Variants in ADGRF3 observed in about 807,000 individuals in gnomAD.
ADGRF3 encodes G protein-coupled receptor 113.
In ADGRF3, 85 loss-of-function variants were observed where a neutral mutation model predicts 93.2. That is an observed-to-expected ratio of 0.91 (90% CI 0.77 to 1.09). The LOEUF is 1.09. Ranked by LOEUF, ADGRF3 falls within the 50% of genes least tolerant of loss-of-function variation. The pLI, the probability that ADGRF3 is intolerant of heterozygous loss-of-function variation, is 0.00. For missense variants in ADGRF3, 1,125 were observed against 1,246.2 expected, an observed-to-expected ratio of 0.90 and a Z score of 1.46; for synonymous variants, 534 against 532.5, an observed-to-expected ratio of 1.00 and a Z score of -0.04.
At chr2:26,318,427 T>TA (rs150411630) in intron 1 of ADGRF3, among the ~76,000 whole-genome samples, 2,424 of 152,072 alleles carry the variant, frequency 0.016, 72 homozygotes, top group African/African-American at 0.055. Flanking sequence ...GAGCATGTCT[T>TA]AAAAAAGATA....
rs372835378 is a variant in ADGRF3, at chr2:26,318,051, C to T, written c.115-489G>A. The T allele has an allele frequency of 1.7e-4, 269 of 1,551,624 alleles. 2 individuals carry two copies. The South Asian group carries it at 2.6e-3, about 15-fold the overall frequency. On this transcript the variant is annotated intron_variant, in intron 1 of 13. Transcript: ENST00000651242. ...CAGGGTGAGGGTGGAGGTCTGGGCCCACATTGTCTGGCCCTTGGGCCATCG... is the reference window on the plus strand; with the variant it reads ...CAGGGTGAGGGTGGAGGTCTGGGCCTACATTGTCTGGCCCTTGGGCCATCG...
At chr2:26,329,352 C>T (rs1454406378) in intron 1 of ADGRF3, among the ~76,000 whole-genome samples, 1 of 152,162 alleles carries the variant, frequency 6.6e-6, no homozygotes, top group Non-Finnish European at 1.5e-5. Context: ...AGGCTGGTCT[C>T]AAACTCCTGG....
chr2:26,316,950 G>A lies in ADGRF3; in HGVS notation c.287C>T (p.Ser96Phe), dbSNP rs1674752484. 2 of 1,612,932 alleles carry A rather than the reference G, an allele frequency of 1.2e-6. No individual in the cohort carries two copies. Among genetic ancestry groups the A allele is most frequent in the East Asian group, 2.2e-5 (1 of 44,860 alleles). The change falls in exon 3 of 14, where the codon TCC becomes TTC. Residue 96 changes from serine (S) to phenylalanine (F), a missense_variant. By Grantham distance (155) the Ser-to-Phe change is radical. Coordinates refer to ENST00000651242, the MANE Select transcript of ADGRF3 (RefSeq NM_001321971.2). Reference protein sequence around the residue: ...LTLPAASASSSPRPLLTGLRL... With the variant: ...LTLPAASASSFPRPLLTGLRL... ...GAGGCCAGTGAGAAGAGGCCTTGGGGAAGAGGAAGCTGAGGCAGCAGGGAG... is the reference window on the plus strand; with the variant it reads ...GAGGCCAGTGAGAAGAGGCCTTGGGAAAGAGGAAGCTGAGGCAGCAGGGAG...
At chr2:26,318,968 G>T in intron 1 of ADGRF3, 1 of 1,551,732 alleles carries the variant, frequency 6.4e-7, no homozygotes, top group South Asian at 1.2e-5. Context: ...TCACTTACAG[G>T]TTGGGATGCT....
At position 26,346,548 on chromosome 2, in the gene ADGRF3, A is replaced by G. The variant is rs533211073; in HGVS notation, c.-314T>C. The G allele has an allele frequency of 5.2e-6, 2 of 386,582 alleles. No individual in the cohort carries two copies. Among genetic ancestry groups the G allele is most frequent in the Non-Finnish European group, 9.2e-6 (2 of 216,842 alleles). The allele number at this position is 386,582 out of a possible 1,614,324, so 23.9% of individuals were successfully genotyped here. A position where few individuals can be genotyped will look rare whatever the true frequency, so the allele number is the denominator to read the frequency against. ...GCGCTCAGTGATCATGGAGCGAGGG[A>G]ATTCCCTTCCTATTTTTTTTAAACT... On this transcript the variant is annotated 5_prime_UTR_variant, in exon 1 of 14. Coordinates refer to ENST00000651242, the MANE Select transcript of ADGRF3 (RefSeq NM_001321971.2).
chr2:26,317,824 T>C (rs1277337246), intron 1 of ADGRF3, among the ~76,000 whole-genome samples: 1 of 152,196 alleles, frequency 6.6e-6, no homozygotes, highest in Non-Finnish European at 1.5e-5. Flanking sequence ...CCTTCCTGCG[T>C]TTACCTGTCC....
Position 26,313,874 on chromosome 2 carries a change from A to G in ADGRF3, c.958T>C (p.Cys320Arg), listed in dbSNP as rs765131677. 2.0e-5 allele frequency: 32 copies of G among 1,613,928 alleles called. No homozygotes were observed. Among genetic ancestry groups the G allele is most frequent in the Non-Finnish European group, 2.4e-5 (28 of 1,179,916 alleles). ...ASSFNESGSQ[C>R]FVLAVQRCPM... ...CAGCGCTGAACAGCCAGCACAAAGC[A>G]CTGAGAGCCTGACTCGTTGAAGGAG... Residue 320 changes from cysteine (C) to arginine (R), a missense_variant, in exon 7 of 14, where the codon TGC (cysteine) becomes CGC (arginine). Coordinates refer to ENST00000651242, the MANE Select transcript of ADGRF3 (RefSeq NM_001321971.2).
intron 3 of ADGRF3, 56 bp from the exon 4 acceptor site, chr2:26,316,504 C>T (rs758203854): frequency 6.6e-7 from 1 of 1,510,002 alleles, no homozygotes; most frequent in Non-Finnish European, 8.9e-7. Flanking sequence ...GCTAGGTGGG[C>T]AGGGCAGACA....
chr2:26,335,324 C>T (rs1207398645), intron 1 of ADGRF3, among the ~76,000 whole-genome samples: 2 of 152,176 alleles, frequency 1.3e-5, no homozygotes, highest in Non-Finnish European at 2.9e-5. Context: ...TCTTTCACTT[C>T]GCATAATGTT....
rs777402913 is a variant in ADGRF3, at chr2:26,313,864, AG to A, written c.967del (p.Leu323TrpfsTer70). On this transcript the variant is annotated frameshift_variant, in exon 7 of 14. Coordinates refer to ENST00000651242, the MANE Select transcript of ADGRF3 (RefSeq NM_001321971.2). LOFTEE classifies it high-confidence loss of function. The stretch of plus-strand genomic sequence containing the variant: ...AGCCATCGGGCAGCGCTGAACAGCC[AG>A]CACAAAGCACTGAGAGCCTGACTCG... ...FNESGSQCFVLAVQRCPMADT... is the reference protein window; with the variant it reads ...FNESGSQCFVXAVQRCPMADT... The A allele has an allele frequency of 6.2e-6, 10 of 1,614,054 alleles. No homozygotes were observed. The highest frequency in any genetic ancestry group is 1.6e-4 in the Middle Eastern group (1 of 6,062).
intron 9 of ADGRF3, 75 bp downstream of exon 9, chr2:26,312,868 C>G: frequency 7.1e-7 from 1 of 1,401,016 alleles, no homozygotes; most frequent in African/African-American, 1.4e-5. Flanking sequence ...ATCAGAGGGA[C>G]AGAAATGCCC....
chr2:26,331,890 T>C (rs935707996), intron 1 of ADGRF3, among the ~76,000 whole-genome samples: 21 of 152,196 alleles, frequency 1.4e-4, no homozygotes, highest in African/African-American at 5.1e-4. Context: ...TCAATTATAA[T>C]CACTGATAAG....
intron 1 of ADGRF3, among the ~76,000 whole-genome samples, chr2:26,328,446 C>T (rs1476036432): frequency 1.4e-5 from 2 of 142,660 alleles, no homozygotes; most frequent in African/African-American, 5.0e-5. Flanking sequence ...AACTATTAGG[C>T]CTTTTTAGTT....
chr2:26,318,432 AAGATAT>A (rs1443012717), intron 1 of ADGRF3, among the ~76,000 whole-genome samples: 2 of 152,292 alleles, frequency 1.3e-5, no homozygotes, highest in Admixed American at 6.5e-5. Context: ...TGTCTTAAAA[AAGATAT>A]AGATATAGAT....
chr2:26,309,644 A>G, intron 12 of ADGRF3, 63 bp from the exon 13 acceptor site: 1 of 1,575,892 alleles, frequency 6.3e-7, no homozygotes, highest in Non-Finnish European at 8.6e-7. Flanking sequence ...TCTCCCTTGA[A>G]GAGGTTGTAT....
rs189985849 is a variant in ADGRF3 at position 26,327,574 on chromosome 2, T to A, written c.115-10012A>T. On this transcript the variant is annotated intron_variant, in intron 1 of 13. Transcript: ENST00000651242. ...AACTTTTTTTTTTTTAAATAAGGCA[T>A]TTATTTCTTACAGCTCTGGAGGCTG... Among the ~76,000 whole-genome samples the A allele has an allele frequency of 4.2e-4, 63 of 151,544 alleles. 1 individual carries two copies. The East Asian group carries it at 0.011, about 28-fold the overall frequency.
In ADGRF3 at chr2:26,310,749, C is replaced by G. The variant is rs1021010569; in HGVS notation, c.2775G>C (p.Leu925=). The G allele has an allele frequency of 2.5e-6, 4 of 1,613,322 alleles. No individual in the cohort carries two copies. The highest frequency in any genetic ancestry group is 2.7e-5 in the African/African-American group (2 of 75,036). ...GLTWGLGLAT[L]LEEVSTVPHY... is the part of the protein sequence containing the mutation. The stretch of plus-strand genomic sequence containing the variant: ...GAGGGACCGTGGAGACTTCCTCTAA[C>G]AGAGTGGCCAGGCCCAGCCCCCAGG... Residue 925 remains leucine (L), a synonymous_variant, in exon 10 of 14, where the codon CTG becomes CTC. Coordinates refer to ENST00000651242, the MANE Select transcript of ADGRF3 (RefSeq NM_001321971.2).
intron 3 of ADGRF3, 109 bp downstream of exon 3, chr2:26,316,803 T>A: frequency 1.6e-6 from 2 of 1,262,944 alleles, no homozygotes; most frequent in Non-Finnish European, 2.2e-6. Flanking sequence ...CAGGCAGCCC[T>A]TCCTCCAGGA....
At chr2:26,341,678 G>C (rs1210495521) in intron 1 of ADGRF3, among the ~76,000 whole-genome samples, 1 of 151,134 alleles carries the variant, frequency 6.6e-6, no homozygotes, top group Non-Finnish European at 1.5e-5. Context: ...TGTTTTTTTT[G>C]GTAGAGACAG....
Sources: gnomAD v4.1 joint callset for allele counts (sites outside exome capture counted in the v4.1 genomes callset) on GRCh38, gnomAD v4.1.1 for gene constraint, MANE v1.5 for transcripts, NCBI Gene and HGNC (gene_info 2026-07-23, HGNC 2026-07-21) for gene names.